DPP8: variants seen among roughly 807,000 people sequenced by gnomAD.
DPP8 encodes dipeptidyl peptidase 8, also known as DPP VIII.
A neutral mutation model predicts 107.5 loss-of-function variants in DPP8; 31 were observed. The observed-to-expected ratio is 0.29, with a 90% CI of 0.22 to 0.39. The LOEUF is 0.39. DPP8 is among the 10% of genes least tolerant of loss of function. The pLI, the probability that DPP8 is intolerant of heterozygous loss-of-function variation, is 1.00. For synonymous variants in DPP8, 381 were observed against 356.6 expected, an observed-to-expected ratio of 1.07 and a Z score of -0.77; for missense variants, 842 against 1,076.1, an observed-to-expected ratio of 0.78 and a Z score of 3.04.
At chr15:65,447,882 C>T (rs1175751574) in intron 19 of DPP8, among the ~76,000 whole-genome samples, 6 of 152,010 alleles carry the variant, frequency 3.9e-5, no homozygotes, top group Non-Finnish European at 5.9e-5. Flanking sequence ...GACACTTTTC[C>T]GATGAGCTCA....
chr15:65,456,759 T>G (rs1248941747), intron 15 of DPP8, among the ~76,000 whole-genome samples: 1 of 152,196 alleles, frequency 6.6e-6, no homozygotes, highest in Non-Finnish European at 1.5e-5. Flanking sequence ...TGACTGCTGC[T>G]TGGCTTCCTC....
rs11009 is a variant in DPP8 at position 65,446,965 on chromosome 15, C to A, written c.2568G>T (p.Ser856=). The change falls in exon 20 of 20, where the codon TCG becomes TCT. Residue 856 remains serine (S), a synonymous_variant. Transcript: ENST00000300141. Reference sequence around the variant, plus strand: ...AAAGATGCAGTTCATAATGTTCTCCCGATTCAGGAACTCTTATGCTGTGTC... The same window carrying A: ...AAAGATGCAGTTCATAATGTTCTCCAGATTCAGGAACTCTTATGCTGTGTC... The part of the protein sequence containing the change: ...QERHSIRVPE[S]GEHYELHLLH... 0.058 allele frequency: 94,166 copies of A among 1,610,672 alleles called. 3,089 individuals are homozygous for A. The highest frequency in any genetic ancestry group is 0.096 in the African/African-American group (7,133 of 74,560).
At chr15:65,448,729 A>G (rs936395220) in intron 19 of DPP8, among the ~76,000 whole-genome samples, 9 of 126,850 alleles carry the variant, frequency 7.1e-5, no homozygotes, top group African/African-American at 2.4e-4. Flanking sequence ...TATATAAAAT[A>G]TACATATATA....
intron 10 of DPP8, 149 bp downstream of exon 10, chr15:65,480,073 C>T: frequency 1.6e-6 from 1 of 621,768 alleles, no homozygotes; most frequent in Non-Finnish European, 2.7e-6. Context: ...ATTCTGGAAC[C>T]ATCACTCCAA....
At chr15:65,500,514 T>G in intron 4 of DPP8, 92 bp downstream of exon 4, 2 of 942,592 alleles carry the variant, frequency 2.1e-6, no homozygotes, top group Admixed American at 2.3e-5. Context: ...TAAACTGAAG[T>G]TGCTGGTTTG....
chr15:65,507,782 A>G (rs540825191), intron 2 of DPP8, among the ~76,000 whole-genome samples: 84 of 152,280 alleles, frequency 5.5e-4, no homozygotes, highest in African/African-American at 2.0e-3. Context: ...TGTAGAGAAA[A>G]GTACCATTTT....
chr15:65,471,005 T>C (rs940139049), intron 12 of DPP8, among the ~76,000 whole-genome samples: 2 of 151,606 alleles, frequency 1.3e-5, no homozygotes, highest in Non-Finnish European at 2.9e-5. Flanking sequence ...AGAAAACTGA[T>C]AAACGTAGTG....
intron 16 of DPP8, chr15:65,455,693 G>A: frequency 6.6e-6 from 8 of 1,206,380 alleles, no homozygotes; most frequent in Non-Finnish European, 8.4e-6. Context: ...GGCTGTGGGA[G>A]AAAATCCCCA....
intron 3 of DPP8, 82 bp downstream of exon 3, chr15:65,507,161 A>G: frequency 1.4e-6 from 1 of 721,462 alleles, no homozygotes; most frequent in Non-Finnish European, 2.2e-6. Context: ...CATCTACTTC[A>G]AATATAAAAT....
At chr15:65,506,059 C>A (rs1016975338) in intron 3 of DPP8, among the ~76,000 whole-genome samples, 3 of 151,694 alleles carry the variant, frequency 2.0e-5, no homozygotes, top group African/African-American at 7.3e-5. Context: ...AAGGCCGGTG[C>A]GGTGGCTCAC....
At chr15:65,515,610 A>C (rs555770141) in intron 1 of DPP8, 2 of 1,574,408 alleles carry the variant, frequency 1.3e-6, no homozygotes, top group Non-Finnish European at 1.7e-6. Flanking sequence ...CATATATTTC[A>C]CTGCCCCACC....
intron 11 of DPP8, among the ~76,000 whole-genome samples, chr15:65,476,041 C>A (rs2066358178): frequency 6.6e-6 from 1 of 152,210 alleles, no homozygotes; most frequent in South Asian, 2.1e-4. Context: ...CGTGGGCCAC[C>A]TCACCCAGCA....
At chr15:65,495,736 T>C (rs946720972) in intron 5 of DPP8, among the ~76,000 whole-genome samples, 2 of 151,124 alleles carry the variant, frequency 1.3e-5, no homozygotes, top group African/African-American at 2.4e-5. Flanking sequence ...CCGTCTCTAC[T>C]AAAAATACAA....
At chr15:65,454,505 A>C in intron 16 of DPP8, 90 bp from the exon 17 acceptor site, 3 of 1,165,906 alleles carry the variant, frequency 2.6e-6, no homozygotes, top group Non-Finnish European at 3.6e-6. Context: ...TTTACTAAAA[A>C]TACCTGTAGG....
rs2063521931 is a variant in DPP8, at chr15:65,446,933, T to G, written c.2600A>C (p.Tyr867Ser). The change falls in exon 20 of 20, where the codon TAC becomes TCC. Residue 867 changes from tyrosine to serine, a missense_variant. This residue lies in a region of DPP8 where 179 missense variants were observed against 318.0 expected (regional missense o/e 0.56). Coordinates refer to ENST00000300141, the MANE Select transcript of DPP8 (RefSeq NM_130434.5). ...GEHYELHLLH[Y>S]LQENLGSRIA... ...ACGTGATCCAAGGTTTTCTTGAAGG[T>G]AGTGCAAAAGATGCAGTTCATAATG... 6.2e-7 allele frequency: 1 copy of G among 1,613,020 alleles called. No homozygotes were observed.
intron 12 of DPP8, among the ~76,000 whole-genome samples, chr15:65,469,842 G>C (rs2065701461): frequency 6.7e-6 from 1 of 149,776 alleles, no homozygotes; most frequent in African/African-American, 2.5e-5. Flanking sequence ...TCTCAAAAAA[G>C]AAAAAGAAGC....
At chr15:65,505,968 T>C (rs1437768770) in intron 3 of DPP8, among the ~76,000 whole-genome samples, 2 of 133,638 alleles carry the variant, frequency 1.5e-5, no homozygotes, top group African/African-American at 2.7e-5. Flanking sequence ...AAAAAAAAGA[T>C]TAGTTGTTAT....
intron 17 of DPP8, 86 bp from the exon 18 acceptor site, chr15:65,452,188 C>G (rs1046011273): frequency 1.4e-6 from 2 of 1,453,886 alleles, no homozygotes; most frequent in African/African-American, 1.4e-5. Flanking sequence ...AATTTACAGT[C>G]TAAAATTATC....
In DPP8 at chr15:65,452,083, G is replaced by A; in HGVS notation, c.2291C>T (p.Pro764Leu). Residue 764 changes from proline (P) to leucine (L), a missense_variant, in exon 18 of 20, where the codon CCA (proline) becomes CTA (leucine). Transcript: ENST00000300141. ...DIFRVAIAGA[P>L]VTLWIFYDTG... Reference sequence around the variant, plus strand: ...ATCATAGAAGATCCACAGAGTGACTGGGGCCCCAGCAATAGCAACCTGCAT... The same window carrying A: ...ATCATAGAAGATCCACAGAGTGACTAGGGCCCCAGCAATAGCAACCTGCAT... 1 of 1,606,378 alleles carries A rather than the reference G, an allele frequency of 6.2e-7. No individual in the cohort carries two copies. The highest frequency in any genetic ancestry group is 8.5e-7 in the Non-Finnish European group (1 of 1,177,296).
Sources: allele counts gnomAD v4.1 joint callset (sites outside exome capture counted in the v4.1 genomes callset), GRCh38; gene constraint gnomAD v4.1.1; regional missense constraint gnomAD v4.1.1; transcripts MANE v1.5; gene names NCBI Gene and HGNC (gene_info 2026-07-23, HGNC 2026-07-21).